The following LRRC37A2 variants were observed in gnomAD, a reference collection of about 807,000 sequenced individuals.
LRRC37A2 encodes leucine-rich repeat-containing protein 37A2.
A neutral mutation model predicts 68.8 loss-of-function variants in LRRC37A2; 9 were observed. The observed-to-expected ratio is 0.13, with a 90% CI of 0.08 to 0.23. The LOEUF (loss-of-function observed/expected upper bound fraction) is 0.23. Among genes scored for constraint, LRRC37A2 ranks in the 10% least tolerant of loss-of-function variants. LRRC37A2 has a pLI of 1.00. For synonymous variants in LRRC37A2, 63 were observed against 367.6 expected (o/e 0.17, Z 9.48); for missense variants, 168 against 950.4 (o/e 0.18, Z 10.82).
chr17:46,961,090 T>G, the LRRC37A2 span, among the ~76,000 whole-genome samples: 163 of 152,224 alleles, frequency 1.1e-3, no homozygotes, highest in African/African-American at 3.9e-3. Flanking sequence ...ATGAGAGAGA[T>G]AATTAGAATG....
the LRRC37A2 span, among the ~76,000 whole-genome samples, chr17:46,775,637 A>G: frequency 7.1e-6 from 1 of 140,040 alleles, no homozygotes; most frequent in African/African-American, 2.8e-5. Flanking sequence ...TTTTTGAGAC[A>G]GAGTCTCGCT....
the LRRC37A2 span, among the ~76,000 whole-genome samples, chr17:46,892,428 A>G: frequency 6.6e-6 from 1 of 152,346 alleles, no homozygotes; most frequent in East Asian, 1.9e-4. Flanking sequence ...TGTATGTGCC[A>G]GTCCTACTGA....
At chr17:46,526,591 C>T (rs1305857265) in intron 6 of LRRC37A2, among the ~76,000 whole-genome samples, 2 of 103,942 alleles carry the variant, frequency 1.9e-5, no homozygotes, top group Non-Finnish European at 4.2e-5. Context: ...TAGTTACAAC[C>T]CAGTAAATCT....
intron 6 of LRRC37A2, among the ~76,000 whole-genome samples, chr17:46,525,691 C>T (rs1481235833): frequency 3.4e-5 from 4 of 118,190 alleles, no homozygotes; most frequent in African/African-American, 1.2e-4. Context: ...CAGGAAAACA[C>T]TGGAATCACA....
chr17:46,929,000 C>G, the LRRC37A2 span, among the ~76,000 whole-genome samples: 4 of 152,028 alleles, frequency 2.6e-5, no homozygotes, highest in African/African-American at 9.7e-5. Context: ...TTGCTTTTCT[C>G]GTGAATCTTC....
At chr17:46,951,115 G>A in the LRRC37A2 span, among the ~76,000 whole-genome samples, 2 of 152,186 alleles carry the variant, frequency 1.3e-5, no homozygotes, top group African/African-American at 4.8e-5. Context: ...TCCAGCTTGA[G>A]GGCATCATCT....
At chr17:46,534,108 G>A (rs1384153173) in intron 6 of LRRC37A2, among the ~76,000 whole-genome samples, 1 of 143,346 alleles carries the variant, frequency 7.0e-6, no homozygotes, top group South Asian at 2.2e-4. Context: ...CCACCTCCCA[G>A]GCTTAAGCAA....
chr17:46,769,655 TG>T, the LRRC37A2 span: 1 of 1,320,528 alleles, frequency 7.6e-7, no homozygotes, highest in Non-Finnish European at 1.0e-6. Flanking sequence ...AGGCCAAGCC[TG>T]GCCAAGGGGA....
At chr17:46,967,426 T>C in the LRRC37A2 span, among the ~76,000 whole-genome samples, 4 of 152,160 alleles carry the variant, frequency 2.6e-5, no homozygotes, top group Non-Finnish European at 4.4e-5. Flanking sequence ...ACGAAGATAG[T>C]ATGGAGGGGA....
the LRRC37A2 span, among the ~76,000 whole-genome samples, chr17:46,740,333 T>A: frequency 6.6e-6 from 1 of 152,154 alleles, no homozygotes; most frequent in Non-Finnish European, 1.5e-5. Context: ...TTTGAAACAT[T>A]GTGAACATAA....
At chr17:47,037,176 G>C in the LRRC37A2 span, among the ~76,000 whole-genome samples, 4 of 150,630 alleles carry the variant, frequency 2.7e-5, no homozygotes, top group African/African-American at 7.3e-5. Flanking sequence ...TGTAATCCCA[G>C]CTACTCAGGA....
chr17:46,935,711 G>T, the LRRC37A2 span: 1 of 988,872 alleles, frequency 1.0e-6, no homozygotes. Context: ...TGATCCCAGC[G>T]ACTCTTCACT....
the LRRC37A2 span, chr17:46,923,220 A>G: frequency 4.5e-6 from 7 of 1,550,750 alleles, no homozygotes; most frequent in South Asian, 4.8e-5. Context: ...GCAAACGCAC[A>G]AGTGAGGGCC....
chr17:46,707,942 A>C, the LRRC37A2 span, among the ~76,000 whole-genome samples: 1 of 151,600 alleles, frequency 6.6e-6, no homozygotes. Context: ...CTGAGACATG[A>C]GAATCATTTG....
the LRRC37A2 span, among the ~76,000 whole-genome samples, chr17:46,984,495 C>T: frequency 2.6e-5 from 4 of 152,314 alleles, no homozygotes; most frequent in African/African-American, 7.2e-5. Context: ...TATTTTTACC[C>T]TCCACCTCAG....
the LRRC37A2 span, chr17:47,034,936 G>A: frequency 2.6e-4 from 39 of 151,976 alleles, no homozygotes; most frequent in Admixed American, 9.8e-4. Context: ...TTGAATATTA[G>A]TGTTACAAAA....
At chr17:46,767,166 G>C in the LRRC37A2 span, among the ~76,000 whole-genome samples, 1 of 152,046 alleles carries the variant, frequency 6.6e-6, no homozygotes, top group Non-Finnish European at 1.5e-5. Flanking sequence ...CCTATCCCGG[G>C]GTGCTGTGGA....
chr17:46,722,042 T>C, the LRRC37A2 span: 1 of 1,609,584 alleles, frequency 6.2e-7, no homozygotes, highest in Non-Finnish European at 8.5e-7. Flanking sequence ...AATATTCAGC[T>C]CCCTGAGCTG....
At chr17:46,744,095 G>A in the LRRC37A2 span, among the ~76,000 whole-genome samples, 1 of 152,026 alleles carries the variant, frequency 6.6e-6, no homozygotes, top group African/African-American at 2.4e-5. Context: ...CCCATAAACC[G>A]GGTGCCCTCC....
Sources: allele counts gnomAD v4.1 joint callset (sites outside exome capture counted in the v4.1 genomes callset), GRCh38; gene constraint gnomAD v4.1.1; transcripts MANE v1.5; gene names NCBI Gene and HGNC (gene_info 2026-07-23, HGNC 2026-07-21).